Variants in CRLF2 observed in about 807,000 individuals in gnomAD.
CRLF2 encodes the protein cytokine receptor-like factor 2.
Under a neutral mutation model 38.7 loss-of-function variants are expected in CRLF2, and 41 were observed. The ratio of observed to expected loss-of-function variants is 1.06; its 90% CI spans 0.83 to 1.37. The LOEUF is 1.37. Among genes scored for constraint, CRLF2 ranks in the 40% most tolerant of loss-of-function variants. The pLI is 0.00. For synonymous variants in CRLF2, 140 were observed against 128.8 expected, an observed-to-expected ratio of 1.09 and a Z score of -0.59; for missense variants, 377 against 322.2, an observed-to-expected ratio of 1.17 and a Z score of -1.30.
At position 1,202,300 on chromosome X, in the gene CRLF2, G is replaced by A. The variant is rs1173012963; in HGVS notation, c.483+102C>T. On this transcript the variant is annotated intron_variant, in intron 4 of 7. Coordinates refer to ENST00000400841, the MANE Select transcript of CRLF2 (RefSeq NM_022148.4). Reference sequence around the variant, plus strand: ...ACAGCAGAGTGGAATTCAGGAAGGTGTAGACAGAGGGGAGCGAGGTCTGAT... The same window carrying A: ...ACAGCAGAGTGGAATTCAGGAAGGTATAGACAGAGGGGAGCGAGGTCTGAT... The A allele has an allele frequency of 1.3e-4, 185 of 1,375,818 alleles. No homozygotes were observed. In the African/African-American group the frequency reaches 1.4e-3, roughly 11 times the overall value. The allele number at this position is 1,375,818 out of a possible 1,614,324, so 85.2% of individuals were successfully genotyped here.
At chrX:1,193,389 G>T (rs2086427147) in intron 6 of CRLF2, 87 bp from the exon 7 acceptor site, 1 of 398,102 alleles carries the variant, frequency 2.5e-6, no homozygotes, top group Non-Finnish European at 4.4e-6. Context: ...ATGGACCCCA[G>T]GGACAGACCA....
chrX:1,191,494 C>G (rs2147817044), intron 7 of CRLF2, among the ~76,000 whole-genome samples: 1 of 151,528 alleles, frequency 6.6e-6, no homozygotes, highest in South Asian at 2.1e-4. Flanking sequence ...TTTGGGGCAT[C>G]CAGGAGCTCT....
intron 6 of CRLF2, 88 bp downstream of exon 6, chrX:1,196,692 C>G (rs2086481512): frequency 6.6e-7 from 1 of 1,507,946 alleles, no homozygotes; most frequent in South Asian, 1.3e-5. Context: ...AGGGAAATGA[C>G]TCTATCAGGC....
At chrX:1,203,634 G>A (rs112948222) in intron 3 of CRLF2, among the ~76,000 whole-genome samples, 4,828 of 151,546 alleles carry the variant, frequency 0.032, 116 homozygotes, top group Non-Finnish European at 0.05. Flanking sequence ...GGAGTGATGC[G>A]GCCACAAGCC....
chrX:1,193,277 C>T lies in CRLF2; in HGVS notation c.793G>A (p.Val265Met), dbSNP rs1444118718. Reference sequence around the variant, plus strand: ...GGGAAGATGGATTTCGGGTCTGGCACGCTGGGAATGAGAAACTTCTTCACT... The same window carrying T: ...GGGAAGATGGATTTCGGGTCTGGCATGCTGGGAATGAGAAACTTCTTCACT... Reference protein sequence around the residue: ...WRVKKFLIPSVPDPKSIFPGL... With the variant: ...WRVKKFLIPSMPDPKSIFPGL... The change falls in exon 7 of 8, where the codon GTG (valine) becomes ATG (methionine). Residue 265 changes from valine (V) to methionine (M), a missense_variant. Physicochemically the swap from Val to Met is conservative, Grantham distance 21. Transcript: ENST00000400841. 12 of 398,410 alleles carry T rather than the reference C, an allele frequency of 3.0e-5. No homozygotes were observed. The highest frequency in any genetic ancestry group is 8.8e-5 in the Admixed American group (2 of 22,636). 24.7% of individuals were successfully genotyped at this position (398,410 alleles called of 1,614,324 possible).
rs751813227 is a variant in CRLF2 at position 1,208,815 on chromosome X, A to C, written c.173T>G (p.Phe58Cys). 7.5e-6 allele frequency: 12 copies of C among 1,603,520 alleles called. No individual in the cohort carries two copies. The Admixed American group carries it at 2.0e-4, about 27-fold the overall frequency. The change falls in exon 2 of 8, where the codon TTC (phenylalanine) becomes TGC (cysteine). Residue 58 changes from phenylalanine to cysteine, a missense_variant. Physicochemically the swap from Phe to Cys is radical, Grantham distance 205. Transcript: ENST00000400841. ...ASKYSRTNLT[F>C]HYRFNGDEAY... ...TCTGGGGGCCACTTACCTGTAGTGG[A>C]AAGTCAGGTTGGTCCTGGAGTATTT...
intron 1 of CRLF2, among the ~76,000 whole-genome samples, chrX:1,212,101 G>A (rs1337802602): frequency 6.6e-6 from 1 of 151,890 alleles, no homozygotes; most frequent in African/African-American, 2.4e-5. Flanking sequence ...TCGTTTGATA[G>A]ATGGGTGGAT....
intron 2 of CRLF2, among the ~76,000 whole-genome samples, chrX:1,207,507 C>CA (rs1480064836): frequency 1.7e-4 from 20 of 120,026 alleles, no homozygotes; most frequent in African/African-American, 5.7e-4. Flanking sequence ...ATCCACCCCC[C>CA]CCCCCCTCAG....
At position 1,198,583 on chromosome X, in the gene CRLF2, A is replaced by G. The variant is rs753863640; in HGVS notation, c.625T>C (p.Trp209Arg). Residue 209 changes from tryptophan to arginine, a missense_variant, in exon 5 of 8, where the codon TGG (tryptophan) becomes CGG (arginine). Trp to Arg is a moderately radical substitution (Grantham distance 101, BLOSUM62 -3). Coordinates refer to ENST00000400841, the MANE Select transcript of CRLF2 (RefSeq NM_022148.4). ...TTACCCCGAATCTCGCCTCTCTGCC[A>G]GCATGTCACCTCTGACCAGTCGCTT... ...YPSDWSEVTC[W>R]QRGEIRDACA... is the part of the protein sequence containing the mutation. 3.1e-6 allele frequency: 5 copies of G among 1,613,696 alleles called. No individual in the cohort carries two copies. The highest frequency in any genetic ancestry group is 3.4e-6 in the Non-Finnish European group (4 of 1,179,690).
At chrX:1,192,717 TTTCTTTCTTTCTTTC>T (rs1300974420) in intron 7 of CRLF2, among the ~76,000 whole-genome samples, 5 of 42,182 alleles carry the variant, frequency 1.2e-4, no homozygotes, top group African/African-American at 9.1e-4. Context: ...CTTTTCTTTC[TTTCTTTCTTTCTTTC>T]TTTCTTTCTT....
At chrX:1,208,984 T>G in intron 1 of CRLF2, 76 bp from the exon 2 acceptor site, 1 of 905,268 alleles carries the variant, frequency 1.1e-6, no homozygotes, top group South Asian at 1.6e-5. Flanking sequence ...ATTTTTCTTT[T>G]TGAGACAGAG....
At position 1,196,771 on chromosome X, in the gene CRLF2, C is replaced by T. The variant is rs761261368; in HGVS notation, c.767+9G>A. 1.2e-6 allele frequency: 2 copies of T among 1,612,780 alleles called. No individual in the cohort carries two copies. Among genetic ancestry groups the T allele is most frequent in the East Asian group, 4.5e-5 (2 of 44,874 alleles). ...CCCTCCACCCACGGGCGGCAGGAGT[C>T]ATCCTTACCTCCATAATTTCCATAA... On this transcript the variant is annotated intron_variant, in intron 6 of 7. Coordinates refer to ENST00000400841, the MANE Select transcript of CRLF2 (RefSeq NM_022148.4).
Position 1,198,546 on chromosome X carries a change from G to C in CRLF2, c.646+16C>G, listed in dbSNP as rs367776017. 3 of 1,612,956 alleles carry C rather than the reference G, an allele frequency of 1.9e-6. No individual in the cohort carries two copies. Among genetic ancestry groups the C allele is most frequent in the South Asian group, 1.1e-5 (1 of 91,060 alleles). ...GGTGACAAGGCTATGGGACACTGCC[G>C]CGTAACAAGCATTACCCCGAATCTC... On this transcript the variant is annotated intron_variant, in intron 5 of 7. Coordinates refer to ENST00000400841, the MANE Select transcript of CRLF2 (RefSeq NM_022148.4).
At chrX:1,210,695 T>A (rs1441318965) in intron 1 of CRLF2, among the ~76,000 whole-genome samples, 3 of 152,150 alleles carry the variant, frequency 2.0e-5, no homozygotes, top group Admixed American at 6.6e-5. Context: ...TAAGTGGAGG[T>A]ATCTGGAGGA....
chrX:1,202,377 C>T, intron 4 of CRLF2, 25 bp downstream of exon 4: 1 of 1,613,228 alleles, frequency 6.2e-7, no homozygotes, highest in Non-Finnish European at 8.5e-7. Context: ...CCACCATCGC[C>T]CTGAGTCGCG....
In CRLF2 at chrX:1,193,319, G is replaced by C. The variant is rs2086425851; in HGVS notation, c.768-17C>G. ...TTCTTCACTCTGAAATAGAGACGGA[G>C]AGCGTGGTCAGGTCGGCCACAGCCC... is the stretch of plus-strand genomic sequence containing the variant. On this transcript the variant is annotated splice_polypyrimidine_tract_variant and intron_variant, in intron 6 of 7. Coordinates refer to ENST00000400841, the MANE Select transcript of CRLF2 (RefSeq NM_022148.4). 2 of 398,616 alleles carry C rather than the reference G, an allele frequency of 5.0e-6. No homozygotes were observed. The highest frequency in any genetic ancestry group is 4.4e-5 in the Admixed American group (1 of 22,682). 24.7% of individuals were successfully genotyped at this position (398,616 alleles called of 1,614,324 possible). A position where few individuals can be genotyped will look rare whatever the true frequency, so the allele number is the denominator to read the frequency against.
intron 7 of CRLF2, among the ~76,000 whole-genome samples, chrX:1,192,720 CTTTCTTTCTTTCTTTCT>C (rs1299286534): frequency 1.5e-4 from 8 of 51,766 alleles, no homozygotes; most frequent in South Asian, 1.2e-3. Context: ...TTCTTTCTTT[CTTTCTTTCTTTCTTTCT>C]TTCTTTCTTT....
chrX:1,198,686 G>GCCTTCTAT lies in CRLF2; in HGVS notation c.514_521dup (p.Leu175Ter), dbSNP rs768905501. 9 of 1,608,230 alleles carry GCCTTCTAT rather than the reference G, an allele frequency of 5.6e-6. No homozygotes were observed. In the East Asian group the frequency reaches 2.0e-4, roughly 36 times the overall value. ...AAGAGTAACACTTCTCGGCATCCAA[G>GCCTTCTAT]CCTTCTATGGTGACGTTGCAGGTAT... On this transcript the variant is annotated stop_gained and frameshift_variant, in exon 5 of 8. Transcript: ENST00000400841. LOFTEE classifies it high-confidence loss of function.
chrX:1,207,732 C>G (rs1349060907), intron 2 of CRLF2, among the ~76,000 whole-genome samples: 2 of 151,774 alleles, frequency 1.3e-5, no homozygotes, highest in Non-Finnish European at 2.9e-5. Context: ...TCACCGTGAA[C>G]TCCGTCTCCC....
Sources: allele counts gnomAD v4.1 joint callset (sites outside exome capture counted in the v4.1 genomes callset), GRCh38; gene constraint gnomAD v4.1.1; transcripts MANE v1.5; gene names NCBI Gene and HGNC (gene_info 2026-07-23, HGNC 2026-07-21).